DIDO1: variants seen among roughly 807,000 people sequenced by gnomAD.
DIDO1 encodes the protein death-inducer obliterator 1.
A neutral mutation model predicts 99.4 loss-of-function variants in DIDO1; 16 were observed. The ratio of observed to expected loss-of-function variants is 0.16; its 90% CI spans 0.11 to 0.24. The LOEUF is 0.24. Ranked by LOEUF, DIDO1 falls within the 10% of genes least tolerant of loss-of-function variation. The pLI, the probability that DIDO1 is intolerant of heterozygous loss-of-function variation, is 1.00. For missense variants in DIDO1, 2,996 were observed against 3,014.0 expected (o/e 0.99, Z 0.14); for synonymous variants, 1,366 against 1,239.1 (o/e 1.10, Z -2.15).
intron 15 of DIDO1, chr20:62,888,622 G>A: frequency 2.0e-6 from 2 of 985,586 alleles, no homozygotes; most frequent in Non-Finnish European, 2.4e-6. Context: ...AGGGTCCGCT[G>A]AGACAGGGGA....
chr20:62,891,910 A>G (rs1420406918), intron 14 of DIDO1, 77 bp downstream of exon 14: 16 of 1,218,262 alleles, frequency 1.3e-5, no homozygotes, highest in Non-Finnish European at 1.9e-5. Flanking sequence ...AACCCATCCA[A>G]ACGAGAGGTT....
In DIDO1 at chr20:62,888,425, C is replaced by T. The variant is rs1456258906; in HGVS notation, c.3541+2535G>A. ...TCCTTCAGGCCTGTGCTGCATGTGC[C>T]GCAGAGAACTGAGGCTGTGGAATGG... On this transcript the variant is annotated intron_variant, in intron 15 of 15. Transcript: ENST00000395343. 4.1e-6 allele frequency: 4 copies of T among 985,518 alleles called. No homozygotes were observed. The East Asian group carries it at 3.4e-4, about 84-fold the overall frequency. The allele number at this position is 985,518 out of a possible 1,614,324, so 61.0% of individuals were successfully genotyped here.
chr20:62,915,890 G>A (rs1384239619), intron 1 of DIDO1, among the ~76,000 whole-genome samples: 2 of 152,054 alleles, frequency 1.3e-5, no homozygotes, highest in South Asian at 2.1e-4. Flanking sequence ...GAATAAACAC[G>A]CTACTAGATT....
chr20:62,937,464 C>A (rs1385853632), intron 1 of DIDO1, among the ~76,000 whole-genome samples: 1 of 152,236 alleles, frequency 6.6e-6, no homozygotes, highest in Non-Finnish European at 1.5e-5. Flanking sequence ...GTCCCGCGCG[C>A]CCTGGCCGCG....
chr20:62,917,104 C>T (rs1448325281), intron 1 of DIDO1, among the ~76,000 whole-genome samples: 3 of 152,186 alleles, frequency 2.0e-5, no homozygotes, highest in African/African-American at 7.2e-5. Context: ...GCACCTCCCC[C>T]ACCCACACCA....
rs2064185591 is a variant in DIDO1 at position 62,880,710 on chromosome 20, G to A, written c.5246C>T (p.Pro1749Leu). 6 of 1,612,574 alleles carry A rather than the reference G, an allele frequency of 3.7e-6. No individual in the cohort carries two copies. The highest frequency in any genetic ancestry group is 1.7e-5 in the Admixed American group (1 of 60,010). ...TCCAGGTTCCCGCTGACCCTGAAAC[G>A]GGGGCTGAGAGCCCCCCACTTTCTG... ...PGQKVGGSQP[P>L]FQGQREPGPH... The change falls in exon 16 of 16, where the codon CCG becomes CTG. Residue 1749 changes from proline to leucine, a missense_variant. By Grantham distance (98) the Pro-to-Leu change is moderately conservative. Around this residue, in one of 5 missense-constraint regions of DIDO1, gnomAD observed 1,562 missense variants for 1,412.6 expected, o/e 1.11. Coordinates refer to ENST00000395343, the MANE Select transcript of DIDO1 (RefSeq NM_001193369.2).
chr20:62,902,052 G>A (rs973079875), intron 6 of DIDO1, among the ~76,000 whole-genome samples: 1 of 151,976 alleles, frequency 6.6e-6, no homozygotes, highest in Non-Finnish European at 1.5e-5. Context: ...CAGGGGGACC[G>A]ATCCTGCTGG....
At chr20:62,910,473 C>T (rs950874895) in intron 3 of DIDO1, among the ~76,000 whole-genome samples, 2 of 152,138 alleles carry the variant, frequency 1.3e-5, no homozygotes, top group African/African-American at 2.4e-5. Context: ...GTGACGGACA[C>T]ATTCTCCTCC....
Position 62,907,258 on chromosome 20 carries a change from G to A in DIDO1, c.1263C>T (p.His421=), listed in dbSNP as rs190052680. 8.4e-5 allele frequency: 135 copies of A among 1,614,234 alleles called. No homozygotes were observed. The East Asian group carries it at 9.4e-4, about 11-fold the overall frequency. The change falls in exon 5 of 16, where the codon CAC becomes CAT. Residue 421 remains histidine, a synonymous_variant. Transcript: ENST00000395343. ...VYCSNDCILK[H]AAATMKFLSS... ...TTAGAAACTTCATTGTCGCTGCGGC[G>A]TGTTTGAGGATACAGTCATTACTGC... is the stretch of plus-strand genomic sequence containing the variant.
At chr20:62,909,636 A>G (rs557456188) in intron 4 of DIDO1, 63 bp downstream of exon 4, 217 of 1,576,754 alleles carry the variant, frequency 1.4e-4, no homozygotes, top group Admixed American at 2.9e-4. Context: ...ATTTCTATCT[A>G]GAGCGAGACT....
In DIDO1 at chr20:62,880,996, G is replaced by A; in HGVS notation, c.4960C>T (p.Pro1654Ser). 2 of 1,605,364 alleles carry A rather than the reference G, an allele frequency of 1.2e-6. No homozygotes were observed. Among genetic ancestry groups the A allele is most frequent in the East Asian group, 2.2e-5 (1 of 44,798 alleles). The stretch of plus-strand genomic sequence containing the variant: ...GTGGGCAGCAGCACCCTCCGGGCAG[G>A]CCTGGCCGAGCTGTCTCCAACCGTG... Reference protein sequence around the residue: ...PATVGDSSARPARRVLLPTPP... With the variant: ...PATVGDSSARSARRVLLPTPP... The change falls in exon 16 of 16, where the codon CCT becomes TCT. Residue 1654 changes from proline to serine, a missense_variant. Pro to Ser is a moderately conservative substitution (Grantham distance 74). Around this residue, in one of 5 missense-constraint regions of DIDO1, gnomAD observed 1,562 missense variants for 1,412.6 expected, o/e 1.11. Transcript: ENST00000395343.
intron 1 of DIDO1, among the ~76,000 whole-genome samples, chr20:62,916,437 T>C (rs2065039239): frequency 1.3e-5 from 2 of 152,218 alleles, no homozygotes; most frequent in African/African-American, 4.8e-5. Context: ...CTCTCAAACC[T>C]TTTGTCTCAA....
chr20:62,903,132 G>A (rs1258594938), intron 6 of DIDO1, among the ~76,000 whole-genome samples: 2 of 152,216 alleles, frequency 1.3e-5, no homozygotes, highest in African/African-American at 4.8e-5. Flanking sequence ...AAATGTTTAC[G>A]TAAGCTAAAT....
Position 62,879,473 on chromosome 20 carries a change from G to T in DIDO1, c.6483C>A (p.Arg2161=). The T allele has an allele frequency of 6.3e-7, 1 of 1,577,088 alleles. No homozygotes were observed. The highest frequency in any genetic ancestry group is 8.6e-7 in the Non-Finnish European group (1 of 1,168,730). ...CCCACTCCTTGCCCCGGTCGGCCTC[G>T]CGCTCTCGGTCGCGGTTGGCGCTCC... is the stretch of plus-strand genomic sequence containing the variant. ...RERSANRDRE[R]EADRGKEWDR... is the part of the protein sequence containing the mutation. Residue 2161 remains arginine, a synonymous_variant, in exon 16 of 16, where the codon CGC becomes CGA. Coordinates refer to ENST00000395343, the MANE Select transcript of DIDO1 (RefSeq NM_001193369.2). This position sits in a 1 kb window ranked among gnomAD's most constrained non-coding sequence, Gnocchi z 6.3.
rs750078 is a variant in DIDO1 at position 62,894,828 on chromosome 20, C to A, written c.2418G>T (p.Pro806=). ...QEAIPDLEDS[P]PVSDSEEQQE... ...TGCTTACCTCTGAATCCGACACTGG[C>A]GGAGAGTCCTCCAGATCGGGGATGG... Residue 806 remains proline, a synonymous_variant, in exon 10 of 16, where the codon CCG becomes CCT. Coordinates refer to ENST00000395343, the MANE Select transcript of DIDO1 (RefSeq NM_001193369.2). The surrounding 1 kb of genome is among the most constrained non-coding windows in gnomAD (Gnocchi z 4.4). The A allele has an allele frequency of 6.2e-7, 1 of 1,613,808 alleles. No individual in the cohort carries two copies. The highest frequency in any genetic ancestry group is 1.3e-5 in the African/African-American group (1 of 74,896).
At position 62,907,190 on chromosome 20, in the gene DIDO1, T is replaced by C; in HGVS notation, c.1331A>G (p.Lys444Arg). 1 of 1,614,242 alleles carries C rather than the reference T, an allele frequency of 6.2e-7. No individual in the cohort carries two copies. The highest frequency in any genetic ancestry group is 8.5e-7 in the Non-Finnish European group (1 of 1,180,052). Reference protein sequence around the residue: ...EQKPKPKEKMKMKPEKPSLPK... With the variant: ...EQKPKPKEKMRMKPEKPSLPK... ...AAGACTGGGCTTCTCTGGCTTCATC[T>C]TCATCTTTTCTTTAGGCTTTGGCTT... is the stretch of plus-strand genomic sequence containing the variant. The change falls in exon 5 of 16, where the codon AAG (lysine) becomes AGG (arginine). Residue 444 changes from lysine to arginine, a missense_variant. By Grantham distance (26) the Lys-to-Arg change is conservative (BLOSUM62 2). Coordinates refer to ENST00000395343, the MANE Select transcript of DIDO1 (RefSeq NM_001193369.2).
intron 2 of DIDO1, among the ~76,000 whole-genome samples, chr20:62,912,731 T>TA (rs1163447245): frequency 6.6e-6 from 1 of 152,138 alleles, no homozygotes; most frequent in African/African-American, 2.4e-5. Flanking sequence ...ATGAAAGCCT[T>TA]AAAAAATATA....
chr20:62,916,936 G>A lies in DIDO1; in HGVS notation c.-199-2530C>T, dbSNP rs145528765. ...CACTCTGAACACGTCCTTGCACTCT[G>A]GACCCATGTGCATGCTGTTCACCTG... On this transcript the variant is annotated intron_variant, in intron 1 of 15. Transcript: ENST00000395343. 1.4e-3 allele frequency among the ~76,000 whole-genome samples: 210 copies of A among 152,316 alleles called. No individual in the cohort carries two copies. The Middle Eastern group carries it at 0.02, about 15-fold the overall frequency.
intron 6 of DIDO1, among the ~76,000 whole-genome samples, chr20:62,898,996 A>G (rs568616418): frequency 1.7e-4 from 26 of 152,186 alleles, no homozygotes; most frequent in Non-Finnish European, 3.5e-4. Context: ...GTTAAATAAA[A>G]ATCAGTGGAG....
Sources: gnomAD v4.1 joint callset for allele counts (sites outside exome capture counted in the v4.1 genomes callset) on GRCh38, gnomAD v4.1.1 for gene constraint, gnomAD v4.1.1 regional missense constraint, Gnocchi (gnomAD v3.1) non-coding constraint, MANE v1.5 for transcripts, NCBI Gene and HGNC (gene_info 2026-07-23, HGNC 2026-07-21) for gene names.